The following FNBP1L variants were observed in gnomAD, a reference collection of about 807,000 sequenced individuals.
The protein encoded by FNBP1L is formin-binding protein 1-like.
In FNBP1L, 36 loss-of-function variants were observed where a neutral mutation model predicts 91.2. That is an observed-to-expected ratio of 0.39 (90% CI 0.30 to 0.52). The LOEUF is 0.52. Among genes scored for constraint, FNBP1L ranks in the 20% least tolerant of loss-of-function variants. FNBP1L has a pLI of 0.66. For synonymous variants in FNBP1L, 242 were observed against 237.0 expected (o/e 1.02, Z -0.19); for missense variants, 571 against 732.1 (o/e 0.78, Z 2.54).
At chr1:93,494,688 T>A (rs1484626214) in intron 1 of FNBP1L, among the ~76,000 whole-genome samples, 1 of 152,234 alleles carries the variant, frequency 6.6e-6, no homozygotes, top group Non-Finnish European at 1.5e-5. Context: ...TGTATATATT[T>A]CTTATTATGT....
intron 1 of FNBP1L, among the ~76,000 whole-genome samples, chr1:93,467,905 CT>C (rs113940773): frequency 0.028 from 4,285 of 152,262 alleles, 188 homozygotes; most frequent in African/African-American, 0.095. Context: ...GAGACCTTGT[CT>C]CTTTCTAAAC....
intron 2 of FNBP1L, among the ~76,000 whole-genome samples, chr1:93,519,905 G>C (rs981126654): frequency 9.2e-5 from 14 of 152,108 alleles, no homozygotes; most frequent in Non-Finnish European, 2.1e-4. Flanking sequence ...GTGAGCTATG[G>C]TTGCACCCTA....
intron 2 of FNBP1L, among the ~76,000 whole-genome samples, chr1:93,506,785 T>C (rs1315945574): frequency 2.6e-5 from 4 of 152,068 alleles, no homozygotes; most frequent in Admixed American, 2.6e-4. Flanking sequence ...TTTGAGAAAG[T>C]ATTTGGAATA....
chr1:93,474,419 A>G (rs1384911823), intron 1 of FNBP1L, among the ~76,000 whole-genome samples: 3 of 152,340 alleles, frequency 2.0e-5, no homozygotes, highest in African/African-American at 7.2e-5. Context: ...AAGAGAGCAC[A>G]GACAGGGCCC....
intron 1 of FNBP1L, among the ~76,000 whole-genome samples, chr1:93,454,323 T>G (rs1668585977): frequency 7.6e-6 from 1 of 131,906 alleles, no homozygotes; most frequent in Non-Finnish European, 1.7e-5. Flanking sequence ...CTTGTGTGTG[T>G]GTATGGGTGT....
chr1:93,533,887 A>G (rs990698745), intron 8 of FNBP1L, among the ~76,000 whole-genome samples: 5 of 152,194 alleles, frequency 3.3e-5, no homozygotes, highest in African/African-American at 1.2e-4. Flanking sequence ...CATTACTGAC[A>G]AAAGTAAGCT....
intron 1 of FNBP1L, among the ~76,000 whole-genome samples, chr1:93,487,532 C>T (rs1162913658): frequency 6.6e-6 from 1 of 152,154 alleles, no homozygotes; most frequent in Non-Finnish European, 1.5e-5. Flanking sequence ...TTTTCACTAA[C>T]CAACCACATG....
intron 12 of FNBP1L, among the ~76,000 whole-genome samples, chr1:93,546,453 G>A (rs1672239605): frequency 6.6e-6 from 1 of 152,138 alleles, no homozygotes; most frequent in African/African-American, 2.4e-5. Flanking sequence ...GATGATGTAT[G>A]AGCTAAGGAA....
intron 1 of FNBP1L, among the ~76,000 whole-genome samples, chr1:93,494,294 C>T (rs1670193631): frequency 6.6e-6 from 1 of 152,174 alleles, no homozygotes; most frequent in Non-Finnish European, 1.5e-5. Flanking sequence ...ACCCAGGGTG[C>T]ATGATCTTCT....
chr1:93,520,315 T>C (rs1671280636), intron 2 of FNBP1L, among the ~76,000 whole-genome samples: 1 of 152,224 alleles, frequency 6.6e-6, no homozygotes, highest in Admixed American at 6.5e-5. Context: ...GATTCTTTTA[T>C]AGTATTGAAA....
At chr1:93,518,496 G>C (rs1671207529) in intron 2 of FNBP1L, among the ~76,000 whole-genome samples, 3 of 152,212 alleles carry the variant, frequency 2.0e-5, no homozygotes, top group Admixed American at 6.5e-5. Flanking sequence ...GATTGAACAT[G>C]TTAAGGTGGG....
chr1:93,466,614 A>G (rs1007891338), intron 1 of FNBP1L, among the ~76,000 whole-genome samples: 4 of 152,146 alleles, frequency 2.6e-5, no homozygotes, highest in African/African-American at 7.2e-5. Context: ...GCCTTGTAGT[A>G]TAATTTGAGG....
chr1:93,493,995 T>A (rs1004081851), intron 1 of FNBP1L, among the ~76,000 whole-genome samples: 1 of 152,228 alleles, frequency 6.6e-6, no homozygotes, highest in Non-Finnish European at 1.5e-5. Flanking sequence ...TTCAATTTTG[T>A]CACTATCTGT....
intron 1 of FNBP1L, among the ~76,000 whole-genome samples, chr1:93,456,325 GA>G (rs1668658456): frequency 6.6e-6 from 1 of 152,160 alleles, no homozygotes; most frequent in Non-Finnish European, 1.5e-5. Flanking sequence ...TGAAAGACGG[GA>G]AATACTAGTA....
At chr1:93,459,377 C>G (rs1668783453) in intron 1 of FNBP1L, among the ~76,000 whole-genome samples, 1 of 152,006 alleles carries the variant, frequency 6.6e-6, no homozygotes, top group South Asian at 2.1e-4. Context: ...TCAGACAACT[C>G]TAGCAAGAAA....
intron 1 of FNBP1L, among the ~76,000 whole-genome samples, chr1:93,464,991 A>G (rs1557776098): frequency 6.6e-6 from 1 of 152,146 alleles, no homozygotes; most frequent in Non-Finnish European, 1.5e-5. Flanking sequence ...TAGTCATAAG[A>G]TTTAGGCTAC....
At chr1:93,452,764 A>G (rs185440202) in intron 1 of FNBP1L, among the ~76,000 whole-genome samples, 23 of 152,338 alleles carry the variant, frequency 1.5e-4, no homozygotes, top group Non-Finnish European at 3.1e-4. Context: ...GAGGAGGTTG[A>G]CAAAGAAAAT....
intron 2 of FNBP1L, among the ~76,000 whole-genome samples, chr1:93,507,172 C>T (rs1670667081): frequency 6.7e-6 from 1 of 148,632 alleles, no homozygotes; most frequent in East Asian, 2.0e-4. Flanking sequence ...CCCTCCCTCC[C>T]CCACCCCCCC....
chr1:93,505,654 C>T (rs1670584441), intron 2 of FNBP1L, among the ~76,000 whole-genome samples: 1 of 152,168 alleles, frequency 6.6e-6, no homozygotes, highest in South Asian at 2.1e-4. Flanking sequence ...TTACGGCTAG[C>T]AGATATTTAA....
Sources: gnomAD v4.1 joint callset for allele counts (sites outside exome capture counted in the v4.1 genomes callset) on GRCh38, gnomAD v4.1.1 for gene constraint, MANE v1.5 for transcripts, NCBI Gene and HGNC (gene_info 2026-07-23, HGNC 2026-07-21) for gene names.